The following AGBL4 variants were observed in gnomAD, a reference collection of about 807,000 sequenced individuals.
The protein encoded by AGBL4 is cytosolic carboxypeptidase 6.
A neutral mutation model predicts 66.4 loss-of-function variants in AGBL4; 58 were observed. The ratio of observed to expected loss-of-function variants is 0.87; its 90% confidence interval spans 0.71 to 1.09. The LOEUF is 1.09. AGBL4 is among the 50% of genes least tolerant of loss of function. AGBL4 has a pLI of 0.00. For missense variants in AGBL4, 579 were observed against 631.0 expected (o/e 0.92, Z 0.88); for synonymous variants, 234 against 222.9 (o/e 1.05, Z -0.44).
chr1:49,787,544 C>T (rs1024237569), intron 2 of AGBL4, among the ~76,000 whole-genome samples: 1 of 150,500 alleles, frequency 6.6e-6, no homozygotes, highest in African/African-American at 2.4e-5. Context: ...CAGACAAAAA[C>T]GTGAGGAAAG....
chr1:49,805,467 G>T (rs1294641456), intron 2 of AGBL4, among the ~76,000 whole-genome samples: 1 of 152,112 alleles, frequency 6.6e-6, no homozygotes, highest in African/African-American at 2.4e-5. Context: ...AGGTTGTGGG[G>T]CAAAGAGAAA....
chr1:49,400,816 A>G (rs1308964619), intron 3 of AGBL4, among the ~76,000 whole-genome samples: 1 of 152,158 alleles, frequency 6.6e-6, no homozygotes, highest in Non-Finnish European at 1.5e-5. Flanking sequence ...GCAAACAAGA[A>G]TAATTTGACT....
At chr1:49,030,837 A>G (rs1027238071) in intron 5 of AGBL4, among the ~76,000 whole-genome samples, 4 of 149,550 alleles carry the variant, frequency 2.7e-5, no homozygotes, top group African/African-American at 7.3e-5. Flanking sequence ...AAAAAAAAAA[A>G]GGAAAAAAAG....
intron 4 of AGBL4, among the ~76,000 whole-genome samples, chr1:49,121,862 C>T (rs935287923): frequency 1.8e-4 from 28 of 152,246 alleles, no homozygotes; most frequent in Non-Finnish European, 2.2e-4. Context: ...CAGTGGGCTC[C>T]GCCCATTTCG....
chr1:49,976,678 C>A (rs1463358878), intron 1 of AGBL4, among the ~76,000 whole-genome samples: 1 of 152,208 alleles, frequency 6.6e-6, no homozygotes, highest in Non-Finnish European at 1.5e-5. Context: ...ATCAGCATCA[C>A]AGAGCTTTAT....
At chr1:49,476,234 A>G (rs555722351) in intron 3 of AGBL4, among the ~76,000 whole-genome samples, 1 of 152,082 alleles carries the variant, frequency 6.6e-6, no homozygotes, top group South Asian at 2.1e-4. Context: ...AATTTAAGAG[A>G]TCTTCTTGGT....
intron 4 of AGBL4, among the ~76,000 whole-genome samples, chr1:49,194,938 A>T (rs1431919947): frequency 1.3e-5 from 2 of 152,058 alleles, no homozygotes; most frequent in Non-Finnish European, 2.9e-5. Context: ...CCAGGGCTCA[A>T]CTGATCCTCC....
intron 3 of AGBL4, among the ~76,000 whole-genome samples, chr1:49,562,543 C>A (rs989267253): frequency 2.0e-4 from 31 of 152,212 alleles, no homozygotes; most frequent in Admixed American, 1.9e-3. Context: ...CCAGTTTTCC[C>A]AGCACCATTT....
At chr1:48,769,526 A>AACACACACACACACACACACAC (rs558937968) in intron 6 of AGBL4, among the ~76,000 whole-genome samples, 3 of 130,216 alleles carry the variant, frequency 2.3e-5, no homozygotes, top group Non-Finnish European at 4.8e-5. Flanking sequence ...GAGGATTTAA[A>AACACACACACACACACACACAC]ACACACACAC....
At chr1:48,695,566 C>T (rs1327649265) in intron 6 of AGBL4, among the ~76,000 whole-genome samples, 11 of 152,198 alleles carry the variant, frequency 7.2e-5, no homozygotes, top group Admixed American at 7.2e-4. Flanking sequence ...ACCCCCTCCC[C>T]TTTAACCAGT....
chr1:49,021,272 A>C (rs1663224103), intron 5 of AGBL4, among the ~76,000 whole-genome samples: 1 of 152,180 alleles, frequency 6.6e-6, no homozygotes, highest in Non-Finnish European at 1.5e-5. Context: ...AATAATCGCA[A>C]CCTATTTTTA....
intron 3 of AGBL4, among the ~76,000 whole-genome samples, chr1:49,613,193 C>T (rs1013152854): frequency 3.3e-5 from 5 of 151,842 alleles, no homozygotes; most frequent in African/African-American, 1.2e-4. Context: ...TACACATGGA[C>T]ACAAAGATGG....
chr1:49,049,486 G>A (rs1022879931), intron 4 of AGBL4, among the ~76,000 whole-genome samples: 1 of 152,006 alleles, frequency 6.6e-6, no homozygotes, highest in Non-Finnish European at 1.5e-5. Flanking sequence ...TTTCTTCAAA[G>A]AGTAGGCTTC....
At chr1:49,338,769 G>A (rs1462020446) in intron 3 of AGBL4, among the ~76,000 whole-genome samples, 6 of 152,184 alleles carry the variant, frequency 3.9e-5, no homozygotes, top group Non-Finnish European at 8.8e-5. Flanking sequence ...GTGTGTTCAG[G>A]AGGGAGTGCT....
intron 2 of AGBL4, among the ~76,000 whole-genome samples, chr1:49,729,635 G>A (rs188463114): frequency 2.0e-5 from 3 of 152,152 alleles, no homozygotes; most frequent in Admixed American, 6.5e-5. Context: ...GTGGACATAC[G>A]GAAGAAACTG....
intron 5 of AGBL4, among the ~76,000 whole-genome samples, chr1:48,944,396 GAGCAGGGC>G (rs1410333103): frequency 1.3e-5 from 2 of 152,162 alleles, no homozygotes; most frequent in African/African-American, 4.8e-5. Context: ...TCGCAGGCAT[GAGCAGGGC>G]AGTATCTAAG....
At chr1:48,570,175 A>G (rs1335820210) in intron 11 of AGBL4, among the ~76,000 whole-genome samples, 1 of 152,256 alleles carries the variant, frequency 6.6e-6, no homozygotes, top group Admixed American at 6.5e-5. Context: ...GAATCTAAAA[A>G]TGACTTTCAA....
intron 4 of AGBL4, among the ~76,000 whole-genome samples, chr1:49,172,154 G>A (rs1240318141): frequency 6.6e-6 from 1 of 152,166 alleles, no homozygotes; most frequent in Admixed American, 6.5e-5. Context: ...AGATCCTTAT[G>A]ATCTAATAGA....
intron 3 of AGBL4, among the ~76,000 whole-genome samples, chr1:49,580,442 G>A (rs1644520700): frequency 6.6e-6 from 1 of 152,036 alleles, no homozygotes; most frequent in African/African-American, 2.4e-5. Flanking sequence ...TTCTGTAATG[G>A]TGCAATTTGA....
Sources: gnomAD v4.1 joint callset for allele counts (sites outside exome capture counted in the v4.1 genomes callset) on GRCh38, gnomAD v4.1.1 for gene constraint, MANE v1.5 for transcripts, NCBI Gene and HGNC (gene_info 2026-07-23, HGNC 2026-07-21) for gene names.